PLG: variants seen among roughly 807,000 people sequenced by gnomAD.
PLG encodes plasmin.
In PLG, 41 loss-of-function variants were observed where a neutral mutation model predicts 104.4. The observed-to-expected ratio is 0.39, with a 90% confidence interval of 0.31 to 0.51. The LOEUF (loss-of-function observed/expected upper bound fraction) is 0.51. PLG is among the 20% of genes least tolerant of loss of function. PLG has a pLI of 0.76. For synonymous variants in PLG, 337 were observed against 357.1 expected, an observed-to-expected ratio of 0.94 and a Z score of 0.63; for missense variants, 891 against 1,003.6, an observed-to-expected ratio of 0.89 and a Z score of 1.52.
intron 3 of PLG, 44 bp downstream of exon 3, chr6:160,707,850 C>T (rs757013836): frequency 1.9e-5 from 24 of 1,259,368 alleles, no homozygotes; most frequent in Non-Finnish European, 2.7e-5. Flanking sequence ...CCTCCCCATC[C>T]TCCCACTCTT....
Position 160,739,760 on chromosome 6 carries a change from CA to C in PLG, c.2018+563del, listed in dbSNP as rs1307343769. Among the ~76,000 whole-genome samples the C allele has an allele frequency of 5.4e-4, 54 of 99,992 alleles. 1 individual carries two copies. Among genetic ancestry groups the C allele is most frequent in the African/African-American group, 6.5e-4 (20 of 30,700 alleles). The allele number at this position is 99,992 out of a possible 152,430, so 65.6% of individuals were successfully genotyped here. A position where few individuals can be genotyped will look rare whatever the true frequency, so the allele number is the denominator to read the frequency against. Reference sequence around the variant, plus strand: ...TGGGCGACAGAGTAAGACACTGTACCAAAAAAAAAAACACCAAAAAAACAAA... The same window carrying C: ...TGGGCGACAGAGTAAGACACTGTACCAAAAAAAAAACACCAAAAAAACAAA... On this transcript the variant is annotated intron_variant, in intron 16 of 18. Coordinates refer to ENST00000308192, the MANE Select transcript of PLG (RefSeq NM_000301.5). The surrounding 1 kb of genome is among the most constrained non-coding windows in gnomAD (Gnocchi z 4.4).
At chr6:160,715,967 A>T (rs1430445784) in intron 6 of PLG, among the ~76,000 whole-genome samples, 2 of 152,256 alleles carry the variant, frequency 1.3e-5, no homozygotes, top group Non-Finnish European at 2.9e-5. Context: ...AGCCCTGGCC[A>T]CTGGGCCCCA....
chr6:160,703,021 C>T (rs549704267), intron 1 of PLG, among the ~76,000 whole-genome samples: 1 of 151,894 alleles, frequency 6.6e-6, no homozygotes, highest in African/African-American at 2.4e-5. Context: ...GTATCCTTTA[C>T]AAATACTAGC....
Position 160,741,962 on chromosome 6 carries a change from T to A in PLG, c.2125+545T>A, listed in dbSNP as rs948753475. On this transcript the variant is annotated intron_variant, in intron 17 of 18. Transcript: ENST00000308192. The surrounding 1 kb of genome is among the most constrained non-coding windows in gnomAD (Gnocchi z 4.7). ...TTTTCTAAGAATAACGGCCTCCAGC[T>A]CCATTCATGTTCCTGTAAAAGATAT... Among the ~76,000 whole-genome samples the A allele has an allele frequency of 6.6e-6, 1 of 152,202 alleles. No individual in the cohort carries two copies. Among genetic ancestry groups the A allele is most frequent in the East Asian group, 1.9e-4 (1 of 5,190 alleles).
chr6:160,738,375 C>T lies in PLG; in HGVS notation c.1803-163C>T. 3 of 656,788 alleles carry T rather than the reference C, an allele frequency of 4.6e-6. No homozygotes were observed. The highest frequency in any genetic ancestry group is 4.2e-5 in the Admixed American group (2 of 47,688). 40.7% of individuals were successfully genotyped at this position (656,788 alleles called of 1,614,324 possible). A position where few individuals can be genotyped will look rare whatever the true frequency, so the allele number is the denominator to read the frequency against. On this transcript the variant is annotated intron_variant, in intron 14 of 18. Coordinates refer to ENST00000308192, the MANE Select transcript of PLG (RefSeq NM_000301.5). This position sits in a 1 kb window ranked among gnomAD's most constrained non-coding sequence, Gnocchi z 6.8. ...CTTCTCAAAAATCCCACTCCTGGAG[C>T]ACTGGCCAAAATTACTACCATCCTG...
At position 160,716,771 on chromosome 6, in the gene PLG, T is replaced by A; in HGVS notation, c.787+8T>A. ...GTGACATCCCCCGCTGCAGTGAGTA[T>A]GATGCACACCCAGATTCCAGGATTT... On this transcript the variant is annotated splice_region_variant and intron_variant, in intron 7 of 18. Transcript: ENST00000308192. 1 of 1,475,268 alleles carries A rather than the reference T, an allele frequency of 6.8e-7. No homozygotes were observed. The highest frequency in any genetic ancestry group is 9.5e-7 in the Non-Finnish European group (1 of 1,053,436). The allele number at this position is 1,475,268 out of a possible 1,614,324, so 91.4% of individuals were successfully genotyped here.
At chr6:160,722,355 G>A (rs900579426) in intron 9 of PLG, 53 bp from the exon 10 acceptor site, 3 of 1,395,660 alleles carry the variant, frequency 2.1e-6, no homozygotes, top group Non-Finnish European at 2.0e-6. Context: ...ATTGCTTCAT[G>A]CTTCTTTTTT....
intron 17 of PLG, among the ~76,000 whole-genome samples, chr6:160,742,448 G>A (rs1778210640): frequency 6.6e-6 from 1 of 151,272 alleles, no homozygotes; most frequent in Non-Finnish European, 1.5e-5. Context: ...CCACAGGCAT[G>A]TCTTCTTTAG....
chr6:160,720,152 C>T (rs1594307), intron 9 of PLG, among the ~76,000 whole-genome samples: 104,675 of 151,838 alleles, frequency 0.69, 36,597 homozygotes, highest in Middle Eastern at 0.81. Flanking sequence ...AGAGTTTCAT[C>T]ACTTGCAACA....
rs530772141 is a variant in PLG at position 160,753,580 on chromosome 6, G to C, written c.*519G>C. 1.4e-4 allele frequency among the ~76,000 whole-genome samples: 22 copies of C among 152,238 alleles called. No individual in the cohort carries two copies. In the South Asian group the frequency reaches 4.4e-3, roughly 30 times the overall value. On this transcript the variant is annotated 3_prime_UTR_variant, in exon 19 of 19. Transcript: ENST00000308192. This position sits in a 1 kb window ranked among gnomAD's most constrained non-coding sequence, Gnocchi z 5.4. ...GTCATGCAAACCGATTCTGTTATTG[G>C]GAATGAAATCTGTCACCGACTGCTT...
intron 8 of PLG, 115 bp downstream of exon 8, chr6:160,718,571 C>T (rs779100277): frequency 1.5e-6 from 2 of 1,346,682 alleles, no homozygotes; most frequent in Non-Finnish European, 2.1e-6. Context: ...AAAAACTGAT[C>T]TAGTCATAAG....
In PLG at chr6:160,748,444, G is replaced by GAAA. The variant is rs1314017241; in HGVS notation, c.2126-3671_2126-3670insAAA. ...AAAGAAAGAGAACGAAAGAAAGAAGGGAGGGAGGGAGGGAGGGAGGGAGGG... is the reference window on the plus strand; with the variant it reads ...AAAGAAAGAGAACGAAAGAAAGAAGGAAAGAGGGAGGGAGGGAGGGAGGGAGGG... On this transcript the variant is annotated intron_variant, in intron 17 of 18. Transcript: ENST00000308192. Among the ~76,000 whole-genome samples the GAAA allele has an allele frequency of 3.0e-3, 74 of 24,422 alleles. 14 individuals carry two copies. The East Asian group carries it at 0.36, about 118-fold the overall frequency. 16.0% of individuals were successfully genotyped at this position (24,422 alleles called of 152,430 possible). A position where few individuals can be genotyped will look rare whatever the true frequency, so the allele number is the denominator to read the frequency against.
intron 17 of PLG, among the ~76,000 whole-genome samples, chr6:160,748,911 G>A (rs1245270116): frequency 1.5e-4 from 23 of 152,136 alleles, no homozygotes; most frequent in Admixed American, 1.5e-3. Flanking sequence ...TCACCAGCCT[G>A]CCCCTAAACC....
intron 5 of PLG, 96 bp from the exon 6 acceptor site, chr6:160,714,698 A>T: frequency 8.1e-7 from 1 of 1,237,784 alleles, no homozygotes; most frequent in South Asian, 1.2e-5. Context: ...GGCAAGTCGC[A>T]CTTAAGTGAG....
intron 17 of PLG, among the ~76,000 whole-genome samples, chr6:160,751,453 G>T (rs1778398261): frequency 6.6e-6 from 1 of 152,238 alleles, no homozygotes; most frequent in South Asian, 2.1e-4. Context: ...CTTGTGTCTG[G>T]AAAGGTTAAT....
intron 6 of PLG, among the ~76,000 whole-genome samples, chr6:160,715,377 G>A (rs1777711839): frequency 6.6e-6 from 1 of 152,096 alleles, no homozygotes; most frequent in South Asian, 2.1e-4. Flanking sequence ...TGACCTATGA[G>A]CAGACGTCAT....
rs1025082441 is a variant in PLG, at chr6:160,731,367, A to G, written c.1438+135A>G. The G allele has an allele frequency of 2.5e-5, 21 of 829,458 alleles. No homozygotes were observed. The highest frequency in any genetic ancestry group is 3.6e-5 in the Non-Finnish European group (18 of 499,470). 51.4% of individuals were successfully genotyped at this position (829,458 alleles called of 1,614,324 possible). ...TTAGAGGGTCTGCCATGTGGAAGGA[A>G]GCCTCAGTGCACTCTCTCAAGGAGG... On this transcript the variant is annotated intron_variant, in intron 11 of 18. Coordinates refer to ENST00000308192, the MANE Select transcript of PLG (RefSeq NM_000301.5). This position sits in a 1 kb window ranked among gnomAD's most constrained non-coding sequence, Gnocchi z 5.1.
Position 160,740,270 on chromosome 6 carries a change from C to T in PLG, c.2019-1041C>T, listed in dbSNP as rs1342994287. The stretch of plus-strand genomic sequence containing the variant: ...GCCTTTCCAGCTCAGCCTTTATAAA[C>T]AGTAGCTGATCTCCCTCCTGCTCCC... On this transcript the variant is annotated intron_variant, in intron 16 of 18. Transcript: ENST00000308192. This position sits in a 1 kb window ranked among gnomAD's most constrained non-coding sequence, Gnocchi z 5.2. Among the ~76,000 whole-genome samples the T allele has an allele frequency of 3.3e-5, 5 of 152,340 alleles. No individual in the cohort carries two copies. In the East Asian group the frequency reaches 9.6e-4, roughly 29 times the overall value.
chr6:160,711,270 C>A, intron 4 of PLG, 79 bp downstream of exon 4: 4 of 1,321,272 alleles, frequency 3.0e-6, no homozygotes, highest in Admixed American at 2.0e-5. Flanking sequence ...GGTTCCAGGA[C>A]CCCTGTGGCT....
Sources: gnomAD v4.1 joint callset for allele counts (sites outside exome capture counted in the v4.1 genomes callset) on GRCh38, gnomAD v4.1.1 for gene constraint, Gnocchi (gnomAD v3.1) non-coding constraint, MANE v1.5 for transcripts, NCBI Gene and HGNC (gene_info 2026-07-23, HGNC 2026-07-21) for gene names.